LAMA3: variants seen among roughly 807,000 people sequenced by gnomAD.
The protein encoded by LAMA3 is laminin subunit alpha-3.
A neutral mutation model predicts 402.0 loss-of-function variants in LAMA3; 281 were observed. The observed-to-expected ratio is 0.70, with a 90% CI of 0.63 to 0.77. The LOEUF (loss-of-function observed/expected upper bound fraction) is 0.77. LAMA3 is among the 30% of genes least tolerant of loss of function. The pLI, the probability that LAMA3 is intolerant of heterozygous loss-of-function variation, is 0.00. For synonymous variants in LAMA3, 1,431 were observed against 1,558.4 expected, an observed-to-expected ratio of 0.92 and a Z score of 1.93; for missense variants, 3,840 against 4,215.5, an observed-to-expected ratio of 0.91 and a Z score of 2.47.
chr18:23,854,408 A>G (rs11872711), intron 32 of LAMA3, among the ~76,000 whole-genome samples: 24,210 of 152,072 alleles, frequency 0.16, 4,309 homozygotes, highest in African/African-American at 0.43. Flanking sequence ...TTGGGAGGCC[A>G]AGTTGGGTGG....
At chr18:23,756,539 C>G (rs2061848702) in intron 6 of LAMA3, among the ~76,000 whole-genome samples, 1 of 149,068 alleles carries the variant, frequency 6.7e-6, no homozygotes, top group Non-Finnish European at 1.5e-5. Context: ...GAAGCACCAG[C>G]TACGGAGTCA....
intron 62 of LAMA3, among the ~76,000 whole-genome samples, chr18:23,926,137 G>A (rs1469391637): frequency 1.3e-5 from 2 of 152,140 alleles, no homozygotes; most frequent in African/African-American, 4.8e-5. Flanking sequence ...AAGAAAACCT[G>A]CCCTTCCTGC....
chr18:23,831,160 C>G (rs1393539659), intron 23 of LAMA3, among the ~76,000 whole-genome samples: 3 of 152,124 alleles, frequency 2.0e-5, no homozygotes, highest in African/African-American at 7.2e-5. Context: ...ACTAGCTGAC[C>G]CACGTCTGCT....
rs200180286 is a variant in LAMA3 at position 23,899,437 on chromosome 18, A to G, written c.5986A>G (p.Lys1996Glu). Residue 1996 changes from lysine (K) to glutamate (E), a missense_variant, in exon 47 of 75, where the codon AAA becomes GAA. Lys to Glu is a moderately conservative substitution (Grantham distance 56). Around this residue, in one of 3 missense-constraint regions of LAMA3, gnomAD observed 891 missense variants for 857.5 expected, o/e 1.04. Transcript: ENST00000313654. Reference sequence around the variant, plus strand: ...GCACCTCAGAGAAGCAGAAGCTGATAAAAGGGAGTCGCAGCTCTGTAAGAA... The same window carrying G: ...GCACCTCAGAGAAGCAGAAGCTGATGAAAGGGAGTCGCAGCTCTGTAAGAA... The part of the protein sequence containing the change: ...GKHLREAEAD[K>E]RESQLLLNRI... The G allele has an allele frequency of 3.2e-5, 51 of 1,613,940 alleles. No individual in the cohort carries two copies. The highest frequency in any genetic ancestry group is 1.6e-4 in the Middle Eastern group (1 of 6,084).
intron 10 of LAMA3, among the ~76,000 whole-genome samples, chr18:23,776,618 GC>G (rs2062324874): frequency 1.3e-5 from 2 of 152,226 alleles, no homozygotes; most frequent in African/African-American, 4.8e-5. Context: ...CCTGACTCCT[GC>G]AGAGCCATCA....
At position 23,920,990 on chromosome 18, in the gene LAMA3, T is replaced by G; in HGVS notation, c.7979T>G (p.Leu2660Arg). The change falls in exon 61 of 75, where the codon CTG becomes CGG. Residue 2660 changes from leucine (L) to arginine (R), a missense_variant. Around this residue, in one of 3 missense-constraint regions of LAMA3, gnomAD observed 840 missense variants for 981.9 expected, o/e 0.86. Coordinates refer to ENST00000313654, the MANE Select transcript of LAMA3 (RefSeq NM_198129.4). ...EDGKLMVRYK[L>R]NSELPKERGV... Reference sequence around the variant, plus strand: ...GGCAAGCTCATGGTGAGATACAAACTGAATTCAGAGCTACCAAAAGAGAGA... The same window carrying G: ...GGCAAGCTCATGGTGAGATACAAACGGAATTCAGAGCTACCAAAAGAGAGA... The G allele has an allele frequency of 6.2e-7, 1 of 1,614,034 alleles. No homozygotes were observed. The highest frequency in any genetic ancestry group is 8.5e-7 in the Non-Finnish European group (1 of 1,179,938).
At position 23,880,617 on chromosome 18, in the gene LAMA3, G is replaced by A. The variant is rs561446738; in HGVS notation, c.5113-1319G>A. Among the ~76,000 whole-genome samples the A allele has an allele frequency of 8.1e-4, 124 of 152,320 alleles. 1 individual carries two copies. In the South Asian group the frequency reaches 0.016, roughly 19 times the overall value. ...CTCATGGCTGGGCGCGATGGCTCAT[G>A]CCTATAATCCCAGCACTTTGGGAGG... On this transcript the variant is annotated intron_variant, in intron 39 of 74. Transcript: ENST00000313654.
chr18:23,803,842 T>C (rs747979824), intron 12 of LAMA3, among the ~76,000 whole-genome samples: 41 of 152,220 alleles, frequency 2.7e-4, no homozygotes, highest in Non-Finnish European at 5.0e-4. Flanking sequence ...GTTTTCTCTT[T>C]CTTTGTTAAC....
Position 23,897,105 on chromosome 18 carries a change from T to G in LAMA3, c.5614-1633T>G, listed in dbSNP as rs561634553. 9.9e-5 allele frequency among the ~76,000 whole-genome samples: 15 copies of G among 151,920 alleles called. No individual in the cohort carries two copies. The South Asian group carries it at 1.5e-3, about 15-fold the overall frequency. ...AATTTGAGGGGGAAACCTCCAGAAA[T>G]CAAACAAGAAGAGGTAGATAGGAAA... On this transcript the variant is annotated intron_variant, in intron 44 of 74. Coordinates refer to ENST00000313654, the MANE Select transcript of LAMA3 (RefSeq NM_198129.4).
Position 23,815,592 on chromosome 18 carries a change from C to T in LAMA3, c.2047+19C>T, listed in dbSNP as rs748027265. 6.6e-7 allele frequency: 1 copy of T among 1,512,920 alleles called. No individual in the cohort carries two copies. The highest frequency in any genetic ancestry group is 1.4e-5 in the African/African-American group (1 of 72,908). The allele number at this position is 1,512,920 out of a possible 1,614,324, so 93.7% of individuals were successfully genotyped here. A position where few individuals can be genotyped will look rare whatever the true frequency, so the allele number is the denominator to read the frequency against. On this transcript the variant is annotated intron_variant, in intron 17 of 74. Coordinates refer to ENST00000313654, the MANE Select transcript of LAMA3 (RefSeq NM_198129.4). ...TGTCAAGGTAAATAAGTCCATTGGG[C>T]CCTGAGCAAAGCACAGTGTTGATGG... is the stretch of plus-strand genomic sequence containing the variant.
Position 23,858,814 on chromosome 18 carries a change from T to C in LAMA3, c.4407T>C (p.His1469=). The change falls in exon 34 of 75, where the codon CAT becomes CAC. Residue 1469 remains histidine, a synonymous_variant. Transcript: ENST00000313654. ...FGVNNQCHSS[H]KRRTKFVDML... ...TAAATAATCAATGTCACAGCTCACA[T>C]AAGCGAAGGACTAAGGTATGCATTG... 6.2e-7 allele frequency: 1 copy of C among 1,614,206 alleles called. No individual in the cohort carries two copies. Among genetic ancestry groups the C allele is most frequent in the Non-Finnish European group, 8.5e-7 (1 of 1,180,010 alleles).
intron 22 of LAMA3, 116 bp from the exon 23 acceptor site, chr18:23,827,198 G>T: frequency 9.2e-7 from 1 of 1,082,374 alleles, no homozygotes; most frequent in Non-Finnish European, 1.4e-6. Flanking sequence ...TTTATTGAAG[G>T]ATGATGAATG....
At chr18:23,791,836 A>T (rs1033592042) in intron 12 of LAMA3, among the ~76,000 whole-genome samples, 3 of 152,076 alleles carry the variant, frequency 2.0e-5, no homozygotes, top group Admixed American at 2.0e-4. Flanking sequence ...AATGAAAATC[A>T]TCTGACATTC....
chr18:23,815,412 G>A lies in LAMA3; in HGVS notation c.1942-56G>A, dbSNP rs761782714. On this transcript the variant is annotated intron_variant, in intron 16 of 74. Transcript: ENST00000313654. ...CAGTGAGGCAGTTTTCAATCTTGAA[G>A]ATTAGTGAATTCTGTAATTATATCA... is the stretch of plus-strand genomic sequence containing the variant. 13 of 1,493,370 alleles carry A rather than the reference G, an allele frequency of 8.7e-6. No homozygotes were observed. The East Asian group carries it at 9.0e-5, about 10-fold the overall frequency. The allele number at this position is 1,493,370 out of a possible 1,614,324, so 92.5% of individuals were successfully genotyped here.
intron 39 of LAMA3, among the ~76,000 whole-genome samples, chr18:23,880,490 G>A (rs114108736): frequency 2.1e-3 from 323 of 152,370 alleles, no homozygotes; most frequent in African/African-American, 7.2e-3. Flanking sequence ...CATTTATGAT[G>A]GAAGGGCAAC....
At chr18:23,797,364 C>T (rs2144147018) in intron 12 of LAMA3, among the ~76,000 whole-genome samples, 1 of 152,190 alleles carries the variant, frequency 6.6e-6, no homozygotes, top group Non-Finnish European at 1.5e-5. Context: ...TCAGCTGACC[C>T]AGTATATTCT....
chr18:23,714,182 C>A lies in LAMA3; in HGVS notation c.447+110C>A, dbSNP rs1316517362. 8 of 1,106,396 alleles carry A rather than the reference C, an allele frequency of 7.2e-6. No homozygotes were observed. In the Admixed American group the frequency reaches 1.3e-4, roughly 18 times the overall value. The allele number at this position is 1,106,396 out of a possible 1,614,324, so 68.5% of individuals were successfully genotyped here. A position where few individuals can be genotyped will look rare whatever the true frequency, so the allele number is the denominator to read the frequency against. ...AAAAAAACAAACTTCAGTTTTAATC[C>A]CCTCATCATTGTTAAACCTGTTACA... On this transcript the variant is annotated intron_variant, in intron 2 of 74. Transcript: ENST00000313654.
chr18:23,804,086 G>A (rs2062916410), intron 12 of LAMA3, among the ~76,000 whole-genome samples: 1 of 152,154 alleles, frequency 6.6e-6, no homozygotes, highest in Non-Finnish European at 1.5e-5. Flanking sequence ...CATGGCCCAT[G>A]GTTAAGCCTT....
chr18:23,808,085 G>A (rs2062997996), intron 12 of LAMA3, among the ~76,000 whole-genome samples: 1 of 152,170 alleles, frequency 6.6e-6, no homozygotes, highest in Non-Finnish European at 1.5e-5. Context: ...TTTATGCTAT[G>A]TCAGTCATTC....
Sources: allele counts gnomAD v4.1 joint callset (sites outside exome capture counted in the v4.1 genomes callset), GRCh38; gene constraint gnomAD v4.1.1; regional missense constraint gnomAD v4.1.1; transcripts MANE v1.5; gene names NCBI Gene and HGNC (gene_info 2026-07-23, HGNC 2026-07-21).